The following NSD2 variants were observed in gnomAD, a reference collection of about 807,000 sequenced individuals.
The protein encoded by NSD2 is nuclear receptor binding SET domain protein 2.
In NSD2, 12 loss-of-function variants were observed where a neutral mutation model predicts 139.0. That is an observed-to-expected ratio of 0.09 (90% CI 0.06 to 0.14). NSD2 has a LOEUF of 0.14. Ranked by LOEUF, NSD2 falls within the 10% of genes least tolerant of loss-of-function variation. NSD2 has a pLI of 1.00. For missense variants in NSD2, 1,155 were observed against 1,745.0 expected (o/e 0.66, Z 6.02); for synonymous variants, 669 against 648.7 (o/e 1.03, Z -0.48).
chr4:1,946,766 T>G, intron 9 of NSD2: 1 of 1,049,140 alleles, frequency 9.5e-7, no homozygotes, highest in South Asian at 4.6e-5. Flanking sequence ...ATTCATCTGA[T>G]TCCTATACTG....
chr4:1,981,696 TTGTC>T lies in NSD2; in HGVS notation c.*2793_*2796del, dbSNP rs759969282. 1.1e-4 allele frequency: 43 copies of T among 395,192 alleles called. No homozygotes were observed. The highest frequency in any genetic ancestry group is 6.3e-4 in the Middle Eastern group (1 of 1,592). 24.5% of individuals were successfully genotyped at this position (395,192 alleles called of 1,614,324 possible). A position where few individuals can be genotyped will look rare whatever the true frequency, so the allele number is the denominator to read the frequency against. On this transcript the variant is annotated 3_prime_UTR_variant, in exon 22 of 22. Transcript: ENST00000508803. ...GCTGGCTGGGTCCCCTTCGCAGTGT[TTGTC>T]TGTCTTGACATCTAAACCCCGGCGT...
At chr4:1,967,275 C>T (rs902515487) in intron 18 of NSD2, among the ~76,000 whole-genome samples, 47 of 152,242 alleles carry the variant, frequency 3.1e-4, no homozygotes, top group African/African-American at 1.1e-3. Context: ...GAGATTGACT[C>T]AGTAATTAAA....
chr4:1,872,084 C>G (rs1713825895), intron 1 of NSD2, among the ~76,000 whole-genome samples: 1 of 151,906 alleles, frequency 6.6e-6, no homozygotes, highest in African/African-American at 2.4e-5. Context: ...CCGAGGGTCG[C>G]TTTTTGTTTG....
chr4:1,939,484 C>G (rs1299610325), intron 8 of NSD2, 170 bp from the exon 9 acceptor site: 1 of 726,906 alleles, frequency 1.4e-6, no homozygotes, highest in Non-Finnish European at 2.2e-6. Flanking sequence ...TACAGTTTGT[C>G]TGCTTTTGTT....
intron 1 of NSD2, among the ~76,000 whole-genome samples, chr4:1,884,432 C>T (rs1423188530): frequency 6.6e-6 from 1 of 151,888 alleles, no homozygotes; most frequent in Non-Finnish European, 1.5e-5. Flanking sequence ...TGTGCCCTGT[C>T]ACCCAGGCTG....
chr4:1,916,313 A>G (rs1402110739), intron 3 of NSD2, among the ~76,000 whole-genome samples: 2 of 152,020 alleles, frequency 1.3e-5, no homozygotes, highest in Non-Finnish European at 2.9e-5. Flanking sequence ...GCATTTAGTC[A>G]GCTAGCTAGC....
intron 9 of NSD2, chr4:1,944,141 A>G: frequency 9.4e-7 from 1 of 1,066,252 alleles, no homozygotes; most frequent in East Asian, 5.0e-5. Context: ...GGGGCAAGTG[A>G]ACTCAGCACT....
chr4:1,930,873 C>G, intron 6 of NSD2, 103 bp downstream of exon 6: 1 of 1,424,286 alleles, frequency 7.0e-7, no homozygotes, highest in Non-Finnish European at 9.4e-7. Flanking sequence ...TCCACTCTCC[C>G]TGTTTCTGAC....
chr4:1,885,408 G>C (rs1715012315), intron 1 of NSD2, among the ~76,000 whole-genome samples: 1 of 152,202 alleles, frequency 6.6e-6, no homozygotes, highest in Non-Finnish European at 1.5e-5. Context: ...AATGAACTGT[G>C]ATCATTGCCT....
At chr4:1,917,891 A>G (rs1252395023) in intron 4 of NSD2, among the ~76,000 whole-genome samples, 2 of 143,726 alleles carry the variant, frequency 1.4e-5, no homozygotes, top group South Asian at 2.2e-4. Flanking sequence ...AGTGATTCTC[A>G]TGTCTCAGCC....
intron 9 of NSD2, chr4:1,945,314 G>A (rs1723507100): frequency 1.9e-6 from 2 of 1,065,866 alleles, no homozygotes; most frequent in African/African-American, 3.3e-5. Flanking sequence ...GAGGGAGGAT[G>A]CTGTGTGAGA....
rs200130380 is a variant in NSD2 at position 1,975,298 on chromosome 4, G to C, written c.3519G>C (p.Thr1173=). The C allele has an allele frequency of 1.2e-6, 2 of 1,614,134 alleles. No individual in the cohort carries two copies. The highest frequency in any genetic ancestry group is 1.7e-6 in the Non-Finnish European group (2 of 1,180,004). The change falls in exon 20 of 22, where the codon ACG becomes ACC. Residue 1173 remains threonine (T), a synonymous_variant. Transcript: ENST00000508803. ...GTCTGTCTCCTCTTCTCCCAGGGAC[G>C]GAGCTGACTTTTAACTACAACCTCG... ...LFAVCDIPAG[T]ELTFNYNLDC...
In NSD2 at chr4:1,966,611, C is replaced by T. The variant is rs180901430; in HGVS notation, c.3372+5460C>T. On this transcript the variant is annotated intron_variant, in intron 18 of 21. Coordinates refer to ENST00000508803, the MANE Select transcript of NSD2 (RefSeq NM_001042424.3). The stretch of plus-strand genomic sequence containing the variant: ...GGCGGAACTTGCAGTGAGCCAAGAT[C>T]GTGCCAGTGCACTCCAGCCTGGGTG... Among the ~76,000 whole-genome samples the T allele has an allele frequency of 7.4e-5, 11 of 148,950 alleles. No homozygotes were observed. The East Asian group carries it at 9.9e-4, about 13-fold the overall frequency.
intron 5 of NSD2, among the ~76,000 whole-genome samples, chr4:1,927,590 A>G (rs1721086282): frequency 6.6e-6 from 1 of 151,648 alleles, no homozygotes; most frequent in Non-Finnish European, 1.5e-5. Flanking sequence ...GTGGTGGTGC[A>G]TGCCTATAAT....
At chr4:1,953,553 T>G in intron 12 of NSD2, 29 bp downstream of exon 12, 1 of 1,573,430 alleles carries the variant, frequency 6.4e-7, no homozygotes. Context: ...AGCCTTGCTG[T>G]GGGTTCAGAT....
At chr4:1,947,246 A>G in intron 9 of NSD2, 1 of 1,063,820 alleles carries the variant, frequency 9.4e-7, no homozygotes, top group Non-Finnish European at 1.1e-6. Context: ...TTTTAGATTC[A>G]TTTTACCTTT....
chr4:1,927,721 A>G (rs1011335417), intron 5 of NSD2, among the ~76,000 whole-genome samples: 168 of 94,602 alleles, frequency 1.8e-3, no homozygotes, highest in African/African-American at 0.012. Context: ...TTATCTCAGA[A>G]AAAAAAAAAA....
intron 3 of NSD2, among the ~76,000 whole-genome samples, chr4:1,915,960 G>T (rs1012655081): frequency 2.6e-5 from 4 of 152,114 alleles, no homozygotes; most frequent in Admixed American, 2.0e-4. Flanking sequence ...TTTGACTTCA[G>T]TGGAATCTGG....
chr4:1,927,676 G>A (rs901748740), intron 5 of NSD2, among the ~76,000 whole-genome samples: 2 of 127,142 alleles, frequency 1.6e-5, no homozygotes, highest in Non-Finnish European at 3.1e-5. Context: ...CTGAGATCAC[G>A]TCACTGCACT....
Sources: allele counts gnomAD v4.1 joint callset (sites outside exome capture counted in the v4.1 genomes callset), GRCh38; gene constraint gnomAD v4.1.1; transcripts MANE v1.5; gene names NCBI Gene and HGNC (gene_info 2026-07-23, HGNC 2026-07-21).